CLSTN2: variants seen among roughly 807,000 people sequenced by gnomAD.
The protein encoded by CLSTN2 is calsyntenin 2.
In CLSTN2, 48 loss-of-function variants were observed where a neutral mutation model predicts 101.2. The observed-to-expected ratio is 0.47, with a 90% CI of 0.38 to 0.60. The LOEUF (loss-of-function observed/expected upper bound fraction) is 0.60. Among genes scored for constraint, CLSTN2 ranks in the 20% least tolerant of loss-of-function variants. CLSTN2 has a pLI of 0.00. For missense variants in CLSTN2, 1,160 were observed against 1,238.2 expected (o/e 0.94, Z 0.95); for synonymous variants, 481 against 463.6 (o/e 1.04, Z -0.48).
At chr3:140,241,904 C>CACACACACACAT (rs1334638482) in intron 2 of CLSTN2, among the ~76,000 whole-genome samples, 2 of 147,378 alleles carry the variant, frequency 1.4e-5, no homozygotes, top group African/African-American at 5.0e-5. Context: ...CACACACACA[C>CACACACACACAT]ATATATATAT....
intron 1 of CLSTN2, among the ~76,000 whole-genome samples, chr3:140,164,632 G>A (rs1050586908): frequency 6.6e-6 from 1 of 152,114 alleles, no homozygotes; most frequent in Non-Finnish European, 1.5e-5. Context: ...GGTGAACTTT[G>A]GCCAGTTGGC....
chr3:140,520,599 C>T (rs12629920), intron 8 of CLSTN2, among the ~76,000 whole-genome samples: 26,555 of 152,148 alleles, frequency 0.17, 2,753 homozygotes, highest in African/African-American at 0.28. Context: ...TTATAATTCA[C>T]GATGAGATTT....
intron 7 of CLSTN2, chr3:140,461,162 A>G (rs564655962): frequency 5.3e-4 from 80 of 152,284 alleles, no homozygotes; most frequent in African/African-American, 1.9e-3. Flanking sequence ...TTTATAATAA[A>G]TGTTAATATA....
At chr3:140,389,146 C>CTTTAT (rs3042393) in intron 2 of CLSTN2, among the ~76,000 whole-genome samples, 152,294 of 152,298 alleles carry the variant, frequency 1, 76,145 homozygotes, top group Middle Eastern at 1. Context: ...TTTCTTTCTA[C>CTTTAT]TTTAAGTTCT....
chr3:140,474,329 A>G (rs1402795916), intron 8 of CLSTN2, among the ~76,000 whole-genome samples: 1 of 152,046 alleles, frequency 6.6e-6, no homozygotes, highest in Non-Finnish European at 1.5e-5. Flanking sequence ...CAGCTTGGGT[A>G]CTAGGGAGGA....
chr3:139,941,009 A>G (rs1375811176), intron 1 of CLSTN2, among the ~76,000 whole-genome samples: 1 of 152,212 alleles, frequency 6.6e-6, no homozygotes, highest in Non-Finnish European at 1.5e-5. Context: ...GCTACCTGAG[A>G]AAACAGAAAG....
intron 1 of CLSTN2, among the ~76,000 whole-genome samples, chr3:140,062,918 C>A (rs1008948580): frequency 1.3e-5 from 2 of 152,062 alleles, no homozygotes; most frequent in Non-Finnish European, 2.9e-5. Flanking sequence ...TCTTAATCAG[C>A]AAAATATAAT....
intron 2 of CLSTN2, among the ~76,000 whole-genome samples, chr3:140,375,230 G>T (rs1430935440): frequency 6.6e-6 from 1 of 152,162 alleles, no homozygotes; most frequent in Non-Finnish European, 1.5e-5. Flanking sequence ...CTTTCATTCT[G>T]GTACATTGAA....
chr3:140,139,756 A>G (rs192407468), intron 1 of CLSTN2, among the ~76,000 whole-genome samples: 1 of 152,104 alleles, frequency 6.6e-6, no homozygotes, highest in Non-Finnish European at 1.5e-5. Context: ...AACAGCAACC[A>G]CTCACATTCT....
chr3:140,511,332 C>A (rs891415614), intron 8 of CLSTN2, among the ~76,000 whole-genome samples: 15 of 152,156 alleles, frequency 9.9e-5, no homozygotes, highest in South Asian at 6.2e-4. Flanking sequence ...TGAACGTACA[C>A]GTGCTTGTAT....
intron 2 of CLSTN2, among the ~76,000 whole-genome samples, chr3:140,208,934 C>T (rs1318368261): frequency 2.0e-5 from 3 of 152,106 alleles, no homozygotes; most frequent in Non-Finnish European, 4.4e-5. Flanking sequence ...ACCCCACCGC[C>T]ACCTTCACTG....
intron 8 of CLSTN2, among the ~76,000 whole-genome samples, chr3:140,481,597 A>T (rs1934117852): frequency 6.6e-6 from 1 of 152,132 alleles, no homozygotes; most frequent in Non-Finnish European, 1.5e-5. Context: ...ATGTTCTTCC[A>T]TTTCTTTGTA....
chr3:140,385,357 CTTTTTTTTTTTTT>C (rs546696189), intron 2 of CLSTN2, among the ~76,000 whole-genome samples: 2 of 72,838 alleles, frequency 2.7e-5, no homozygotes, highest in East Asian at 4.6e-4. Context: ...CCCTGATGTT[CTTTTTTTTTTTTT>C]TTTTTTTTTT....
intron 2 of CLSTN2, among the ~76,000 whole-genome samples, chr3:140,241,872 T>TACACACACACAC (rs1201031848): frequency 5.2e-5 from 3 of 57,668 alleles, no homozygotes; most frequent in African/African-American, 1.7e-4. Flanking sequence ...TATATACACA[T>TACACACACACAC]ATATATATAC....
Position 140,122,808 on chromosome 3 carries a change from C to T in CLSTN2, c.110-53143C>T, listed in dbSNP as rs188529017. ...TTAGGCTTTGTGGGCTATATAGTTG[C>T]GGTCACATATTTTGTTGTTCTTCTT... On this transcript the variant is annotated intron_variant, in intron 1 of 16. Transcript: ENST00000458420. Among the ~76,000 whole-genome samples, 52 of 152,186 alleles carry T rather than the reference C, an allele frequency of 3.4e-4. No individual in the cohort carries two copies. In the East Asian group the frequency reaches 6.6e-3, roughly 19 times the overall value.
intron 2 of CLSTN2, among the ~76,000 whole-genome samples, chr3:140,239,624 A>G (rs1375619951): frequency 2.0e-5 from 3 of 152,172 alleles, no homozygotes; most frequent in African/African-American, 4.8e-5. Context: ...ACACAATATC[A>G]TCCTCTGTGT....
chr3:140,423,580 T>C (rs889250897), intron 5 of CLSTN2, among the ~76,000 whole-genome samples: 2 of 152,238 alleles, frequency 1.3e-5, no homozygotes, highest in African/African-American at 4.8e-5. Flanking sequence ...CTGCCTTAGC[T>C]GTGTGGGATA....
intron 1 of CLSTN2, among the ~76,000 whole-genome samples, chr3:140,086,573 C>T (rs534906964): frequency 6.6e-6 from 1 of 152,254 alleles, no homozygotes; most frequent in East Asian, 1.9e-4. Flanking sequence ...ATATCCGTGA[C>T]CTTCAATCCA....
intron 1 of CLSTN2, among the ~76,000 whole-genome samples, chr3:139,986,019 A>T (rs144282500): frequency 1.3e-4 from 20 of 152,308 alleles, no homozygotes; most frequent in Admixed American, 1.1e-3. Context: ...GTTTAGCTGG[A>T]TATCAATTAA....
Sources: gnomAD v4.1 joint callset for allele counts (sites outside exome capture counted in the v4.1 genomes callset) on GRCh38, gnomAD v4.1.1 for gene constraint, MANE v1.5 for transcripts, NCBI Gene and HGNC (gene_info 2026-07-23, HGNC 2026-07-21) for gene names.